The following NOTCH1 variants were observed in gnomAD, a reference collection of about 807,000 sequenced individuals.
NOTCH1 encodes neurogenic locus notch homolog protein 1.
Under a neutral mutation model 254.8 loss-of-function variants are expected in NOTCH1, and 37 were observed. The ratio of observed to expected loss-of-function variants is 0.15; its 90% CI spans 0.11 to 0.19. NOTCH1 has a LOEUF of 0.19. Among genes scored for constraint, NOTCH1 ranks in the 10% least tolerant of loss-of-function variants. NOTCH1 has a pLI of 1.00. For synonymous variants in NOTCH1, 1,731 were observed against 1,618.1 expected (o/e 1.07, Z -1.68); for missense variants, 2,972 against 3,708.6 (o/e 0.80, Z 5.16).
At chr9:136,522,307 T>C (rs1265217733) in intron 4 of NOTCH1, among the ~76,000 whole-genome samples, 1 of 152,186 alleles carries the variant, frequency 6.6e-6, no homozygotes, top group African/African-American at 2.4e-5. Flanking sequence ...CTCTTCCTTA[T>C]TTTTAGAGCT....
rs768012475 is a variant in NOTCH1 at position 136,519,667 on chromosome 9, G to A, written c.743-102C>T. 10 of 1,587,218 alleles carry A rather than the reference G, an allele frequency of 6.3e-6. No homozygotes were observed. In the Admixed American group the frequency reaches 1.2e-4, roughly 19 times the overall value. On this transcript the variant is annotated intron_variant, in intron 4 of 33. Transcript: ENST00000651671. ...CTGGACACAAGAGCCTGGCCTCCACGGCCCTGCCCTGGGGCCCCCGGGGTC... is the reference window on the plus strand; with the variant it reads ...CTGGACACAAGAGCCTGGCCTCCACAGCCCTGCCCTGGGGCCCCCGGGGTC...
chr9:136,532,034 C>G (rs1013173879), intron 2 of NOTCH1, among the ~76,000 whole-genome samples: 4 of 152,222 alleles, frequency 2.6e-5, no homozygotes, highest in Admixed American at 1.3e-4. Flanking sequence ...CCCTCAGAGC[C>G]TCACTCTGCC....
intron 2 of NOTCH1, among the ~76,000 whole-genome samples, chr9:136,539,746 CATG>C (rs1371783191): frequency 2.0e-5 from 3 of 152,220 alleles, no homozygotes; most frequent in Admixed American, 2.0e-4. Flanking sequence ...CTCAGCTCAG[CATG>C]AGGAGGAGAA....
At chr9:136,534,706 A>T (rs1157009447) in intron 2 of NOTCH1, among the ~76,000 whole-genome samples, 2 of 151,932 alleles carry the variant, frequency 1.3e-5, no homozygotes, top group African/African-American at 2.4e-5. Context: ...GGTAGTGGCC[A>T]CTCACAGACT....
rs756486803 is a variant in NOTCH1 at position 136,502,499 on chromosome 9, G to T, written c.5168-11C>A. The T allele has an allele frequency of 6.6e-7, 1 of 1,506,964 alleles. No homozygotes were observed. The highest frequency in any genetic ancestry group is 8.9e-7 in the Non-Finnish European group (1 of 1,128,204). The allele number at this position is 1,506,964 out of a possible 1,614,324, so 93.3% of individuals were successfully genotyped here. On this transcript the variant is annotated splice_polypyrimidine_tract_variant and intron_variant, in intron 27 of 33. Transcript: ENST00000651671. ...GCTCCACGGTCTCACCTGCGGGCAC[G>T]GGGGCCAGGGGCAGGTGCCCGGACA...
rs1292487339 is a variant in NOTCH1, at chr9:136,500,808, C to A, written c.5678G>T (p.Gly1893Val). The change falls in exon 31 of 34, where the codon GGC (glycine) becomes GTC (valine). Residue 1893 changes from glycine (G) to valine (V), a missense_variant. Transcript: ENST00000651671. ...TPLMIASCSGGGLETGNSEEE... is the reference protein window; with the variant it reads ...TPLMIASCSGVGLETGNSEEE... ...CTCGCTGTTGCCCGTCTCCAGGCCG[C>A]CCCCGCTGCAGGAGGCGATCATGAG... The A allele has an allele frequency of 6.3e-7, 1 of 1,599,284 alleles. No homozygotes were observed. The highest frequency in any genetic ancestry group is 1.3e-5 in the African/African-American group (1 of 75,040).
At chr9:136,502,182 T>C in intron 28 of NOTCH1, 90 bp downstream of exon 28, 3 of 1,284,114 alleles carry the variant, frequency 2.3e-6, no homozygotes, top group Non-Finnish European at 3.3e-6. Flanking sequence ...AGGTGGGCCC[T>C]GGGTCGGGAG....
Position 136,519,439 on chromosome 9 carries a change from G to C in NOTCH1, c.865+4C>G, listed in dbSNP as rs527248111. 6.8e-6 allele frequency: 11 copies of C among 1,612,742 alleles called. No individual in the cohort carries two copies. The highest frequency in any genetic ancestry group is 3.3e-5 in the Admixed American group (2 of 60,032). On this transcript the variant is annotated splice_donor_region_variant and intron_variant, in intron 5 of 33. Transcript: ENST00000651671. ...CCCCGCCCTGCGGCGACCCGTATAC[G>C]CGCCTGTCCACTCTGGCGGGCAGCG...
At position 136,508,321 on chromosome 9, in the gene NOTCH1, G is replaced by A. The variant is rs1010573276; in HGVS notation, c.3236C>T (p.Thr1079Ile). 1 of 1,613,052 alleles carries A rather than the reference G, an allele frequency of 6.2e-7. No individual in the cohort carries two copies. The highest frequency in any genetic ancestry group is 1.3e-5 in the African/African-American group (1 of 75,052). Residue 1079 changes from threonine to isoleucine, a missense_variant, in exon 20 of 34, where the codon ACC becomes ATC. Coordinates refer to ENST00000651671, the MANE Select transcript of NOTCH1 (RefSeq NM_017617.5). The stretch of plus-strand genomic sequence containing the variant: ...GCTGGGGCACTCGCAGCGGTACTGG[G>A]TGTGGGTCTGCCAGCATTTGCCGCC... ...KNGGKCWQTH[T>I]QYRCECPSGW...
At chr9:136,512,983 C>A (rs758363042) in intron 15 of NOTCH1, 38 bp downstream of exon 15, 1 of 502,714 alleles carries the variant, frequency 2.0e-6, no homozygotes, top group Non-Finnish European at 3.8e-6. Flanking sequence ...CCCACATAGG[C>A]CCCGCCCCCT....
Position 136,523,833 on chromosome 9 carries a change from G to A in NOTCH1, c.287C>T (p.Pro96Leu), listed in dbSNP as rs1050259961. ...ACSCALGFSG[P>L]LCLTPLDNAC... ...ATTGTCCAGGGGTGTCAGGCAGAGG[G>A]GCCCAGAGAAGCCCAGGGCACAGCT... Residue 96 changes from proline to leucine, a missense_variant, in exon 3 of 34, where the codon CCC becomes CTC. This residue lies in a region of NOTCH1 where 374 missense variants were observed against 496.3 expected (regional missense o/e 0.75). Coordinates refer to ENST00000651671, the MANE Select transcript of NOTCH1 (RefSeq NM_017617.5). 2.5e-6 allele frequency: 4 copies of A among 1,611,854 alleles called. No homozygotes were observed. Among genetic ancestry groups the A allele is most frequent in the African/African-American group, 2.7e-5 (2 of 74,914 alleles).
rs367610771 is a variant in NOTCH1 at position 136,502,330 on chromosome 9, A to G, written c.5326T>C (p.Ser1776Pro). ...CGCCGCTTCTTCTTGCTGGCCTCAGACACTTTGAAGCCCTCAGGGAACCAG... is the reference window on the plus strand; with the variant it reads ...CGCCGCTTCTTCTTGCTGGCCTCAGGCACTTTGAAGCCCTCAGGGAACCAG... ...QLWFPEGFKV[S>P]EASKKKRREP... is the part of the protein sequence containing the mutation. The change falls in exon 28 of 34, where the codon TCT becomes CCT. Residue 1776 changes from serine (S) to proline (P), a missense_variant. Ser to Pro is a moderately conservative substitution (Grantham distance 74). This residue lies in a region of NOTCH1 where 421 missense variants were observed against 604.4 expected (regional missense o/e 0.70). Transcript: ENST00000651671. 2 of 1,612,438 alleles carry G rather than the reference A, an allele frequency of 1.2e-6. No individual in the cohort carries two copies. Among genetic ancestry groups the G allele is most frequent in the African/African-American group, 1.3e-5 (1 of 75,024 alleles).
chr9:136,510,891 C>G, intron 16 of NOTCH1, 86 bp from the exon 17 acceptor site: 2 of 1,568,722 alleles, frequency 1.3e-6, no homozygotes, highest in South Asian at 2.2e-5. Flanking sequence ...CCTACAGTGC[C>G]TCTCCCGACC....
rs924865994 is a variant in NOTCH1 at position 136,495,859 on chromosome 9, G to A, written c.*212C>T. On this transcript the variant is annotated 3_prime_UTR_variant, in exon 34 of 34. Transcript: ENST00000651671. ...AGATAAAAGTTTCTACCTGGGGCCA[G>A]ATAAAACAGTACATATAAATAAAAA... The A allele has an allele frequency of 9.0e-6, 5 of 556,510 alleles. No homozygotes were observed. Among genetic ancestry groups the A allele is most frequent in the Non-Finnish European group, 9.1e-6 (3 of 330,428 alleles). 34.5% of individuals were successfully genotyped at this position (556,510 alleles called of 1,614,324 possible).
Position 136,495,136 on chromosome 9 carries a change from C to T in NOTCH1, c.*935G>A. On this transcript the variant is annotated 3_prime_UTR_variant, in exon 34 of 34. Coordinates refer to ENST00000651671, the MANE Select transcript of NOTCH1 (RefSeq NM_017617.5). ...CACTGTGCAGGCTGAGGTGCTGGGG[C>T]CGCCACCGGGGTCAGCCCAGGCAGT... 1 of 399,090 alleles carries T rather than the reference C, an allele frequency of 2.5e-6. No individual in the cohort carries two copies. The highest frequency in any genetic ancestry group is 3.5e-5 in the East Asian group (1 of 28,218). The allele number at this position is 399,090 out of a possible 1,614,324, so 24.7% of individuals were successfully genotyped here.
chr9:136,501,246 C>G (rs1842990339), intron 30 of NOTCH1, among the ~76,000 whole-genome samples: 1 of 152,068 alleles, frequency 6.6e-6, no homozygotes, highest in South Asian at 2.1e-4. Flanking sequence ...CCAGCCTGGC[C>G]AACATGGTGA....
At chr9:136,544,913 G>A (rs780223324) in intron 1 of NOTCH1, among the ~76,000 whole-genome samples, 15 of 152,184 alleles carry the variant, frequency 9.9e-5, no homozygotes, top group Non-Finnish European at 1.9e-4. Context: ...AACGGGGGAG[G>A]GGGGTGTGAC....
Position 136,496,230 on chromosome 9 carries a change from C to T in NOTCH1, c.7509G>A (p.Gln2503=). 1 of 1,606,754 alleles carries T rather than the reference C, an allele frequency of 6.2e-7. No individual in the cohort carries two copies. Among genetic ancestry groups the T allele is most frequent in the Non-Finnish European group, 8.5e-7 (1 of 1,176,592 alleles). ...PVDNTPSHQL[Q]VPEHPFLTPS... is the part of the protein sequence containing the mutation. ...GGGTGAGGAAGGGGTGCTCAGGCAC[C>T]TGTAGCTGGTGGCTGGGGGTGTTGT... The change falls in exon 34 of 34, where the codon CAG becomes CAA. Residue 2503 remains glutamine (Q), a synonymous_variant. Transcript: ENST00000651671.
intron 15 of NOTCH1, among the ~76,000 whole-genome samples, chr9:136,512,089 A>G (rs1370089649): frequency 6.6e-6 from 1 of 152,212 alleles, no homozygotes; most frequent in African/African-American, 2.4e-5. Context: ...AATTGTGCGA[A>G]AGGAAGCAGG....
Sources: gnomAD v4.1 joint callset for allele counts (sites outside exome capture counted in the v4.1 genomes callset) on GRCh38, gnomAD v4.1.1 for gene constraint, gnomAD v4.1.1 regional missense constraint, MANE v1.5 for transcripts, NCBI Gene and HGNC (gene_info 2026-07-23, HGNC 2026-07-21) for gene names.